CTNNAL1: variants seen among roughly 807,000 people sequenced by gnomAD.
The protein encoded by CTNNAL1 is alpha-catulin.
Under a neutral mutation model 93.6 loss-of-function variants are expected in CTNNAL1, and 69 were observed. The observed-to-expected ratio is 0.74, with a 90% CI of 0.61 to 0.90. The LOEUF (loss-of-function observed/expected upper bound fraction) is 0.90. Ranked by LOEUF, CTNNAL1 falls within the 40% of genes least tolerant of loss-of-function variation. The probability of loss-of-function intolerance (pLI) is 0.00; values close to 1 mark genes in which losing one functional copy is unlikely to be tolerated. For synonymous variants in CTNNAL1, 286 were observed against 305.4 expected (o/e 0.94, Z 0.66); for missense variants, 836 against 862.0 (o/e 0.97, Z 0.38).
rs1023734146 is a variant in CTNNAL1, at chr9:108,985,574, G to A, written c.640-1138C>T. Among the ~76,000 whole-genome samples, 4 of 152,280 alleles carry A rather than the reference G, an allele frequency of 2.6e-5. No individual in the cohort carries two copies. In the East Asian group the frequency reaches 7.7e-4, roughly 29 times the overall value. ...ATAGATTTAATAAAAGATAGAGATG[G>A]AATTACAAATAGTGTACGACAAAGT... On this transcript the variant is annotated intron_variant, in intron 4 of 18. Transcript: ENST00000325551.
At position 108,942,577 on chromosome 9, in the gene CTNNAL1, T is replaced by C. The variant is rs1830272577; in HGVS notation, c.*192A>G. ...TAAAAATCACACTACAATTAGAATC[T>C]AGCAATTACCAAGACATTTATTAGT... is the stretch of plus-strand genomic sequence containing the variant. On this transcript the variant is annotated 3_prime_UTR_variant, in exon 19 of 19. Transcript: ENST00000325551. 5 of 569,174 alleles carry C rather than the reference T, an allele frequency of 8.8e-6. No individual in the cohort carries two copies. The South Asian group carries it at 1.2e-4, about 14-fold the overall frequency. The allele number at this position is 569,174 out of a possible 1,614,324, so 35.3% of individuals were successfully genotyped here. A position where few individuals can be genotyped will look rare whatever the true frequency, so the allele number is the denominator to read the frequency against.
intron 8 of CTNNAL1, 31 bp from the exon 9 acceptor site, chr9:108,972,864 G>GGGCGGCCCCCC: frequency 7.0e-6 from 1 of 142,586 alleles, no homozygotes; most frequent in Non-Finnish European, 1.0e-5. Flanking sequence ...GGGGGGGTGG[G>GGGCGGCCCCCC]AGGGTGGAGA....
At chr9:108,986,199 C>G (rs1426596463) in intron 4 of CTNNAL1, among the ~76,000 whole-genome samples, 1 of 148,252 alleles carries the variant, frequency 6.7e-6, no homozygotes, top group Non-Finnish European at 1.5e-5. Flanking sequence ...CACAACAGTC[C>G]CCAGAGTGTG....
chr9:108,992,066 C>G (rs755793621), intron 3 of CTNNAL1: 2 of 768,352 alleles, frequency 2.6e-6, no homozygotes, highest in Non-Finnish European at 4.9e-6. Flanking sequence ...TATTGTTAGT[C>G]TCTGATTTGG....
chr9:108,976,687 C>T (rs1291778452), intron 8 of CTNNAL1, among the ~76,000 whole-genome samples: 1 of 152,070 alleles, frequency 6.6e-6, no homozygotes, highest in Non-Finnish European at 1.5e-5. Flanking sequence ...CTAACCACCA[C>T]ACCTGGCTAA....
intron 3 of CTNNAL1, among the ~76,000 whole-genome samples, chr9:108,991,353 T>A (rs1044182360): frequency 8.5e-5 from 13 of 152,056 alleles, no homozygotes; most frequent in African/African-American, 3.1e-4. Flanking sequence ...GTGGGAAAAT[T>A]AGTCTGGCTC....
At chr9:108,975,211 G>C (rs1003676629) in intron 8 of CTNNAL1, among the ~76,000 whole-genome samples, 2 of 151,902 alleles carry the variant, frequency 1.3e-5, no homozygotes, top group African/African-American at 4.8e-5. Context: ...CACAGCTAAG[G>C]GAAATGAGAG....
intron 11 of CTNNAL1, among the ~76,000 whole-genome samples, chr9:108,961,045 TTA>T (rs1414345512): frequency 3.3e-5 from 5 of 150,160 alleles, no homozygotes; most frequent in African/African-American, 1.2e-4. Context: ...AGCGTGATGT[TTA>T]CCACTTAGTT....
chr9:108,974,204 A>G (rs1831196425), intron 8 of CTNNAL1, among the ~76,000 whole-genome samples: 1 of 152,238 alleles, frequency 6.6e-6, no homozygotes, highest in South Asian at 2.1e-4. Context: ...TGAGGTTGAC[A>G]TGGATATACC....
At chr9:108,973,246 G>T (rs1189944675) in intron 8 of CTNNAL1, among the ~76,000 whole-genome samples, 1 of 152,132 alleles carries the variant, frequency 6.6e-6, no homozygotes, top group African/African-American at 2.4e-5. Context: ...TAATCTTAAA[G>T]TTGGTGAGGA....
chr9:109,003,181 C>T (rs369852683), intron 1 of CTNNAL1, among the ~76,000 whole-genome samples: 13 of 152,294 alleles, frequency 8.5e-5, no homozygotes, highest in African/African-American at 3.1e-4. Context: ...AACAACAGAT[C>T]TCCCAAGAAG....
At chr9:109,002,590 C>T (rs1826872295) in intron 1 of CTNNAL1, among the ~76,000 whole-genome samples, 1 of 152,104 alleles carries the variant, frequency 6.6e-6, no homozygotes. Flanking sequence ...AAGGTGCTAC[C>T]TGGTTTCTTT....
intron 4 of CTNNAL1, among the ~76,000 whole-genome samples, chr9:108,987,377 C>T (rs1388066173): frequency 2.0e-5 from 3 of 152,108 alleles, no homozygotes; most frequent in Admixed American, 6.5e-5. Context: ...TGTTCTGTTC[C>T]ATTGATCTAT....
rs1048048258 is a variant in CTNNAL1, at chr9:108,985,339, G to A, written c.640-903C>T. On this transcript the variant is annotated intron_variant, in intron 4 of 18. Transcript: ENST00000325551. ...GTGTTCCAAGAAAACTTTATGTATG[G>A]ACATTGAAATTTGAATTACATAAAA... Among the ~76,000 whole-genome samples the A allele has an allele frequency of 5.3e-5, 8 of 152,286 alleles. No individual in the cohort carries two copies. In the South Asian group the frequency reaches 6.2e-4, roughly 12 times the overall value.
intron 4 of CTNNAL1, among the ~76,000 whole-genome samples, chr9:108,987,148 T>C (rs1204008066): frequency 6.6e-6 from 1 of 152,218 alleles, no homozygotes; most frequent in East Asian, 1.9e-4. Flanking sequence ...CTTCTAGGGT[T>C]TTTATGGTTT....
chr9:108,957,380 A>G (rs550634072), intron 11 of CTNNAL1, among the ~76,000 whole-genome samples: 27 of 152,130 alleles, frequency 1.8e-4, no homozygotes, highest in African/African-American at 6.5e-4. Context: ...TTGGCCTGCC[A>G]AAGTGCTGAA....
chr9:108,986,073 A>C (rs1175979969), intron 4 of CTNNAL1, among the ~76,000 whole-genome samples: 1 of 151,576 alleles, frequency 6.6e-6, no homozygotes, highest in Non-Finnish European at 1.5e-5. Flanking sequence ...CATGTGCACA[A>C]TGTGCATGTT....
Position 108,970,412 on chromosome 9 carries a change from G to A in CTNNAL1, c.1430C>T (p.Thr477Ile). 6.2e-7 allele frequency: 1 copy of A among 1,611,438 alleles called. No individual in the cohort carries two copies. The highest frequency in any genetic ancestry group is 2.2e-5 in the East Asian group (1 of 44,640). ...CIHAEETFQV[T>I]GQQIISAAET... ...CTGCTATTATCATACCTGTTGGCCA[G>A]TCACCTGAAATGTCTCCTCTGCATG... Residue 477 changes from threonine (T) to isoleucine (I), a missense_variant, in exon 10 of 19, where the codon ACT becomes ATT. Thr to Ile is a moderately conservative substitution (Grantham distance 89). Transcript: ENST00000325551.
intron 3 of CTNNAL1, 138 bp downstream of exon 3, chr9:108,992,494 T>G: frequency 1.8e-6 from 2 of 1,109,228 alleles, no homozygotes; most frequent in South Asian, 3.4e-5. Flanking sequence ...CAATGTATCC[T>G]GCATTGCACA....
Sources: gnomAD v4.1 joint callset for allele counts (sites outside exome capture counted in the v4.1 genomes callset) on GRCh38, gnomAD v4.1.1 for gene constraint, MANE v1.5 for transcripts, NCBI Gene and HGNC (gene_info 2026-07-23, HGNC 2026-07-21) for gene names.